ADCY8: variants seen among roughly 807,000 people sequenced by gnomAD.
ADCY8 encodes the protein adenylate cyclase 8, also known as adenylate cyclase type 8.
ADCY8 carries 51 observed loss-of-function variants against 119.7 expected under a neutral mutation model. The ratio of observed to expected loss-of-function variants is 0.43; its 90% CI spans 0.34 to 0.54. ADCY8 has a LOEUF of 0.54. ADCY8 is among the 20% of genes least tolerant of loss of function. ADCY8 has a pLI of 0.03. For missense variants in ADCY8, 1,383 were observed against 1,598.8 expected, an observed-to-expected ratio of 0.87 and a Z score of 2.30; for synonymous variants, 665 against 651.0, an observed-to-expected ratio of 1.02 and a Z score of -0.33.
At chr8:130,863,532 C>A (rs1187922727) in intron 9 of ADCY8, among the ~76,000 whole-genome samples, 2 of 151,850 alleles carry the variant, frequency 1.3e-5, no homozygotes, top group African/African-American at 4.8e-5. Flanking sequence ...TGCATTTATT[C>A]TTTGTTTGTT....
chr8:130,802,646 G>A (rs1815817997), intron 14 of ADCY8, among the ~76,000 whole-genome samples: 1 of 152,218 alleles, frequency 6.6e-6, no homozygotes, highest in Admixed American at 6.5e-5. Flanking sequence ...ATGTGCTCCA[G>A]AACACGGAAG....
At chr8:131,038,637 A>G (rs191257600) in intron 1 of ADCY8, among the ~76,000 whole-genome samples, 49 of 152,330 alleles carry the variant, frequency 3.2e-4, no homozygotes, top group African/African-American at 1.1e-3. Flanking sequence ...CCACCTAAAT[A>G]TAATATTTAA....
chr8:130,996,359 C>T (rs1174183276), intron 1 of ADCY8, among the ~76,000 whole-genome samples: 3 of 151,934 alleles, frequency 2.0e-5, no homozygotes, highest in Admixed American at 6.6e-5. Context: ...TCTGAAAGAA[C>T]ACATGAGTTA....
At chr8:131,024,345 A>G (rs970752054) in intron 1 of ADCY8, among the ~76,000 whole-genome samples, 3 of 152,228 alleles carry the variant, frequency 2.0e-5, no homozygotes, top group Non-Finnish European at 4.4e-5. Flanking sequence ...TTTCTTATTC[A>G]TTAGCTCATT....
intron 9 of ADCY8, among the ~76,000 whole-genome samples, chr8:130,855,077 A>C (rs1817678098): frequency 1.3e-5 from 2 of 149,896 alleles, no homozygotes; most frequent in African/African-American, 2.5e-5. Context: ...TGGAAATTAA[A>C]GGAAAGAGCT....
intron 5 of ADCY8, among the ~76,000 whole-genome samples, chr8:130,917,298 GA>G (rs1250768906): frequency 2.0e-5 from 3 of 151,994 alleles, no homozygotes; most frequent in Non-Finnish European, 4.4e-5. Flanking sequence ...CAAACAGACA[GA>G]TCAAGTTCTG....
chr8:130,939,385 T>C (rs148177694), intron 4 of ADCY8, among the ~76,000 whole-genome samples: 15 of 152,326 alleles, frequency 9.8e-5, no homozygotes, highest in Non-Finnish European at 2.1e-4. Context: ...TTCCAAAATC[T>C]TACTCTGATT....
intron 8 of ADCY8, among the ~76,000 whole-genome samples, chr8:130,883,438 A>G (rs1252280621): frequency 1.3e-5 from 2 of 152,198 alleles, no homozygotes; most frequent in African/African-American, 4.8e-5. Flanking sequence ...GACACAATCC[A>G]TCTCAAATTG....
intron 7 of ADCY8, among the ~76,000 whole-genome samples, chr8:130,894,905 G>A (rs767584350): frequency 3.9e-5 from 6 of 152,062 alleles, no homozygotes; most frequent in Admixed American, 1.3e-4. Context: ...TGCTTGGAAA[G>A]AAAAACCTTC....
intron 13 of ADCY8, among the ~76,000 whole-genome samples, chr8:130,818,718 G>T (rs1423714488): frequency 2.0e-5 from 3 of 152,154 alleles, no homozygotes; most frequent in African/African-American, 7.2e-5. Context: ...AGGCTTGATC[G>T]GAGATTAACA....
intron 8 of ADCY8, among the ~76,000 whole-genome samples, chr8:130,871,051 A>T (rs753453440): frequency 6.6e-6 from 1 of 152,234 alleles, no homozygotes; most frequent in Non-Finnish European, 1.5e-5. Context: ...ATCATCAAAT[A>T]TAAAATGCTG....
chr8:130,829,655 T>C (rs1816770778), intron 12 of ADCY8, among the ~76,000 whole-genome samples: 2 of 152,160 alleles, frequency 1.3e-5, no homozygotes, highest in African/African-American at 2.4e-5. Context: ...TAGTTGGTTG[T>C]TTAAAAAGAA....
At chr8:131,010,648 T>C (rs1055994904) in intron 1 of ADCY8, among the ~76,000 whole-genome samples, 1 of 152,208 alleles carries the variant, frequency 6.6e-6, no homozygotes, top group Non-Finnish European at 1.5e-5. Context: ...AGCAATGCTG[T>C]CTGTTCATGA....
intron 2 of ADCY8, among the ~76,000 whole-genome samples, chr8:130,973,311 CT>C (rs1821979122): frequency 6.6e-6 from 1 of 152,214 alleles, no homozygotes; most frequent in South Asian, 2.1e-4. Flanking sequence ...TGCTACTTGC[CT>C]TGACCAATGG....
chr8:130,883,275 C>T (rs1818848464), intron 8 of ADCY8, among the ~76,000 whole-genome samples: 1 of 152,176 alleles, frequency 6.6e-6, no homozygotes, highest in Non-Finnish European at 1.5e-5. Context: ...TTCATCCTAG[C>T]TTCTTCAATG....
chr8:131,005,109 GA>G lies in ADCY8; in HGVS notation c.961-14568del, dbSNP rs1432190055. Among the ~76,000 whole-genome samples, 15 of 152,134 alleles carry G rather than the reference GA, an allele frequency of 9.9e-5. No individual in the cohort carries two copies. In the East Asian group the frequency reaches 2.9e-3, roughly 29 times the overall value. On this transcript the variant is annotated intron_variant, in intron 1 of 17. Transcript: ENST00000286355. ...AATTACAGTCTCTTCACATGCAAAA[GA>G]AAAAATAAATCCTTATCACCTAAAG...
In ADCY8 at chr8:130,951,936, G is replaced by T; in HGVS notation, c.1173C>A (p.Thr391=). The change falls in exon 3 of 18, where the codon ACC becomes ACA. Residue 391 remains threonine (T), a synonymous_variant. Coordinates refer to ENST00000286355, the MANE Select transcript of ADCY8 (RefSeq NM_001115.3). Reference sequence around the variant, plus strand: ...GCTGCAGGTGCTCATCTTCCACATTGGTCATGTCGTTGATCATTTCCAGGA... The same window carrying T: ...GCTGCAGGTGCTCATCTTCCACATTTGTCATGTCGTTGATCATTTCCAGGA... The part of the protein sequence containing the change: ...FVVLEMINDM[T]NVEDEHLQHQ... 1 of 1,614,090 alleles carries T rather than the reference G, an allele frequency of 6.2e-7. No individual in the cohort carries two copies. Among genetic ancestry groups the T allele is most frequent in the Non-Finnish European group, 8.5e-7 (1 of 1,180,028 alleles).
chr8:130,831,584 T>C lies in ADCY8; in HGVS notation c.2675+4693A>G, dbSNP rs186155593. On this transcript the variant is annotated intron_variant, in intron 12 of 17. Transcript: ENST00000286355. ...GAAGCTCATTTGAGAAAAGACGTGA[T>C]TTCCCATGGTTCGAATACAGCCTAT... Among the ~76,000 whole-genome samples the C allele has an allele frequency of 5.3e-4, 81 of 152,332 alleles. No individual in the cohort carries two copies. In the East Asian group the frequency reaches 0.012, roughly 22 times the overall value.
At position 130,836,390 on chromosome 8, in the gene ADCY8, G is replaced by A; in HGVS notation, c.2562C>T (p.Asn854=). Residue 854 remains asparagine, a synonymous_variant, in exon 12 of 18, where the codon AAC becomes AAT. Coordinates refer to ENST00000286355, the MANE Select transcript of ADCY8 (RefSeq NM_001115.3). ...MVTCAVFLRL[N]SVLKLAVLLI... ...GCAGCACTGCCAGCTTCAGGACGGAGTTCAGCCGGAGGAAAACTGCACAGG... is the reference window on the plus strand; with the variant it reads ...GCAGCACTGCCAGCTTCAGGACGGAATTCAGCCGGAGGAAAACTGCACAGG... 1 of 1,614,010 alleles carries A rather than the reference G, an allele frequency of 6.2e-7. No individual in the cohort carries two copies.
Sources: allele counts gnomAD v4.1 joint callset (sites outside exome capture counted in the v4.1 genomes callset), GRCh38; gene constraint gnomAD v4.1.1; transcripts MANE v1.5; gene names NCBI Gene and HGNC (gene_info 2026-07-23, HGNC 2026-07-21).